The following SLIT2 variants were observed in gnomAD, a reference collection of about 807,000 sequenced individuals.
SLIT2 encodes slit guidance ligand 2.
A neutral mutation model predicts 185.7 loss-of-function variants in SLIT2; 41 were observed. That is an observed-to-expected ratio of 0.22 (90% CI 0.17 to 0.29). The LOEUF (loss-of-function observed/expected upper bound fraction) is 0.29. SLIT2 is among the 10% of genes least tolerant of loss of function. The pLI is 1.00. For synonymous variants in SLIT2, 693 were observed against 680.2 expected (o/e 1.02, Z -0.29); for missense variants, 1,571 against 1,909.0 (o/e 0.82, Z 3.30).
chr4:20,321,753 T>G (rs1040471591), intron 4 of SLIT2, among the ~76,000 whole-genome samples: 3 of 152,192 alleles, frequency 2.0e-5, no homozygotes, highest in Admixed American at 2.0e-4. Flanking sequence ...TTTTTTCTAT[T>G]AGTCACTTTC....
chr4:20,278,986 AAGTC>A (rs1471502442), intron 4 of SLIT2, among the ~76,000 whole-genome samples: 2 of 152,136 alleles, frequency 1.3e-5, no homozygotes, highest in Admixed American at 6.5e-5. Flanking sequence ...TATACGGAGA[AAGTC>A]AGTGTTAAAA....
rs182575441 is a variant in SLIT2, at chr4:20,605,103, G to A, written c.3693-4910G>A. 3.3e-3 allele frequency among the ~76,000 whole-genome samples: 509 copies of A among 152,176 alleles called. 7 individuals are homozygous for A. In the South Asian group the frequency reaches 0.058, roughly 17 times the overall value. On this transcript the variant is annotated intron_variant, in intron 33 of 36. Coordinates refer to ENST00000504154, the MANE Select transcript of SLIT2 (RefSeq NM_004787.4). ...CCCACCTTGGCCTCCCAAAGTGCTG[G>A]AATTACAGGCGTGAGCCACCGCACC...
At chr4:20,307,779 A>G (rs1477478606) in intron 4 of SLIT2, among the ~76,000 whole-genome samples, 1 of 152,166 alleles carries the variant, frequency 6.6e-6, no homozygotes, top group African/African-American at 2.4e-5. Flanking sequence ...AATAGGTAAT[A>G]TTATGTCCAT....
chr4:20,287,325 T>G (rs991051998), intron 4 of SLIT2, among the ~76,000 whole-genome samples: 1 of 152,204 alleles, frequency 6.6e-6, no homozygotes, highest in African/African-American at 2.4e-5. Context: ...ATGAAATCAA[T>G]GCCACAGGCA....
intron 26 of SLIT2, among the ~76,000 whole-genome samples, chr4:20,565,330 C>T (rs935374588): frequency 2.6e-5 from 4 of 151,946 alleles, no homozygotes; most frequent in African/African-American, 9.7e-5. Flanking sequence ...TTCCATCCTA[C>T]GCCTTTGTTC....
At chr4:20,589,760 G>A (rs772398236) in intron 30 of SLIT2, 23 bp downstream of exon 30, 1 of 1,581,440 alleles carries the variant, frequency 6.3e-7, no homozygotes. Context: ...CTACCTTTTT[G>A]CTCACAGTCA....
Position 20,394,292 on chromosome 4 carries a change from C to A in SLIT2, c.396-73460C>A, listed in dbSNP as rs60714536. Reference sequence around the variant, plus strand: ...GGTATCGCATAAGCTTACGTGGTATCATTTTGTCGTTTAAAAAAATGTGTC... The same window carrying A: ...GGTATCGCATAAGCTTACGTGGTATAATTTTGTCGTTTAAAAAAATGTGTC... On this transcript the variant is annotated intron_variant, in intron 4 of 36. Coordinates refer to ENST00000504154, the MANE Select transcript of SLIT2 (RefSeq NM_004787.4). 5.1e-3 allele frequency among the ~76,000 whole-genome samples: 782 copies of A among 152,050 alleles called. 14 individuals carry two copies. The highest frequency in any genetic ancestry group is 0.018 in the African/African-American group (753 of 41,506).
intron 4 of SLIT2, among the ~76,000 whole-genome samples, chr4:20,346,958 C>T (rs955128152): frequency 2.0e-5 from 3 of 152,166 alleles, no homozygotes; most frequent in African/African-American, 7.2e-5. Context: ...GGGTCTGTCT[C>T]TCCCAGTCCA....
intron 4 of SLIT2, among the ~76,000 whole-genome samples, chr4:20,366,788 T>A (rs917240184): frequency 2.0e-5 from 3 of 151,990 alleles, no homozygotes; most frequent in African/African-American, 7.3e-5. Context: ...TAGGGTTTTT[T>A]TAGTTTAGTT....
chr4:20,329,639 G>A (rs1388431832), intron 4 of SLIT2, among the ~76,000 whole-genome samples: 1 of 152,050 alleles, frequency 6.6e-6, no homozygotes, highest in African/African-American at 2.4e-5. Flanking sequence ...ATTTGGATTG[G>A]AAAGTGGATT....
rs35693154 is a variant in SLIT2, at chr4:20,568,925, A to G, written c.3009A>G (p.Glu1003=). The change falls in exon 29 of 37, where the codon GAA becomes GAG. Residue 1003 remains glutamate (E), a synonymous_variant. Transcript: ENST00000504154. ...ENCEVNVDDC[E]DNDCENNSTC... ...GTGAAGTCAACGTTGATGATTGTGAAGATAATGACTGTGAAAATAATTCTA... is the reference window on the plus strand; with the variant it reads ...GTGAAGTCAACGTTGATGATTGTGAGGATAATGACTGTGAAAATAATTCTA... 7.1e-4 allele frequency: 1,152 copies of G among 1,612,334 alleles called. 5 individuals carry two copies. In the African/African-American group the frequency reaches 0.013, roughly 18 times the overall value.
intron 5 of SLIT2, among the ~76,000 whole-genome samples, chr4:20,469,440 T>G (rs1714718727): frequency 6.6e-6 from 1 of 152,150 alleles, no homozygotes; most frequent in African/African-American, 2.4e-5. Flanking sequence ...CATGATAGAA[T>G]TCTTCTTTAT....
At chr4:20,568,575 G>C (rs1172450455) in intron 28 of SLIT2, among the ~76,000 whole-genome samples, 2 of 152,016 alleles carry the variant, frequency 1.3e-5, no homozygotes, top group Non-Finnish European at 2.9e-5. Context: ...AAAACTGCTT[G>C]TGTTTTAGAC....
At chr4:20,378,826 G>C (rs1724242105) in intron 4 of SLIT2, among the ~76,000 whole-genome samples, 1 of 152,052 alleles carries the variant, frequency 6.6e-6, no homozygotes, top group African/African-American at 2.4e-5. Flanking sequence ...CCAAATCTTG[G>C]AAGCAACTAA....
intron 4 of SLIT2, among the ~76,000 whole-genome samples, chr4:20,436,359 G>A (rs1729343526): frequency 6.6e-6 from 1 of 152,134 alleles, no homozygotes; most frequent in African/African-American, 2.4e-5. Context: ...TATTTCCATG[G>A]CTAGGCCTCT....
At chr4:20,391,111 G>C (rs1276606465) in intron 4 of SLIT2, among the ~76,000 whole-genome samples, 1 of 152,006 alleles carries the variant, frequency 6.6e-6, no homozygotes. Flanking sequence ...AAAGGCCAAA[G>C]AGCCTTTTTG....
chr4:20,380,504 A>T (rs1724410137), intron 4 of SLIT2, among the ~76,000 whole-genome samples: 2 of 152,270 alleles, frequency 1.3e-5, no homozygotes, highest in Non-Finnish European at 2.9e-5. Flanking sequence ...GACAAAGATG[A>T]TAATTAGGTA....
chr4:20,334,317 T>C (rs1301141571), intron 4 of SLIT2, among the ~76,000 whole-genome samples: 1 of 152,098 alleles, frequency 6.6e-6, no homozygotes, highest in Non-Finnish European at 1.5e-5. Context: ...CTTTTAAAAC[T>C]ATGTTTTAAA....
intron 4 of SLIT2, among the ~76,000 whole-genome samples, chr4:20,377,622 C>G (rs1018822574): frequency 6.6e-6 from 1 of 152,096 alleles, no homozygotes; most frequent in Non-Finnish European, 1.5e-5. Context: ...TCTATATCCT[C>G]CCACAGAGAA....
Sources: gnomAD v4.1 joint callset for allele counts (sites outside exome capture counted in the v4.1 genomes callset) on GRCh38, gnomAD v4.1.1 for gene constraint, MANE v1.5 for transcripts, NCBI Gene and HGNC (gene_info 2026-07-23, HGNC 2026-07-21) for gene names.